Variants in PTPDC1 observed in about 807,000 individuals in gnomAD.
PTPDC1 encodes protein tyrosine phosphatase domain containing 1.
PTPDC1 carries 53 observed loss-of-function variants against 75.3 expected under a neutral mutation model. The ratio of observed to expected loss-of-function variants is 0.70; its 90% CI spans 0.56 to 0.88. PTPDC1 has a LOEUF of 0.88. PTPDC1 is among the 40% of genes least tolerant of loss of function. The probability of loss-of-function intolerance (pLI) is 0.00; values close to 1 mark genes in which losing one functional copy is unlikely to be tolerated. For missense variants in PTPDC1, 925 were observed against 998.6 expected (o/e 0.93, Z 0.99); for synonymous variants, 349 against 366.2 (o/e 0.95, Z 0.54).
chr9:94,103,822 C>G (rs1025306197), intron 7 of PTPDC1, among the ~76,000 whole-genome samples: 2 of 152,128 alleles, frequency 1.3e-5, no homozygotes, highest in Admixed American at 6.6e-5. Flanking sequence ...TGTCCTTGTC[C>G]TTTTCTTTGT....
In PTPDC1 at chr9:94,087,721, C is replaced by T. The variant is rs548939229; in HGVS notation, c.417-110C>T. On this transcript the variant is annotated intron_variant, in intron 2 of 8. Transcript: ENST00000620992. ...TTATACACAAAAAAGAATATTCTAA[C>T]AGAGTTGTTGAAATCATAGAAAAAA... 3 of 712,516 alleles carry T rather than the reference C, an allele frequency of 4.2e-6. No homozygotes were observed. In the South Asian group the frequency reaches 5.3e-5, roughly 13 times the overall value. 44.1% of individuals were successfully genotyped at this position (712,516 alleles called of 1,614,324 possible).
rs771282527 is a variant in PTPDC1 at position 94,084,703 on chromosome 9, AGGTGATGGT to A, written c.176_184del (p.Val59_Val61del). On this transcript the variant is annotated inframe_deletion, in exon 1 of 9. Coordinates refer to ENST00000620992, the MANE Select transcript of PTPDC1 (RefSeq NM_001253829.2). Reference sequence around the variant, plus strand: ...AAGCTGCTGTCCTCGTCCTCTCTCCAGGTGATGGTGGCTGTTTCCTCAGTCAGCCATGCA... The same window carrying A: ...AAGCTGCTGTCCTCGTCCTCTCTCCAGGCTGTTTCCTCAGTCAGCCATGCA... 9 of 1,613,132 alleles carry A rather than the reference AGGTGATGGT, an allele frequency of 5.6e-6. No individual in the cohort carries two copies. The African/African-American group carries it at 1.2e-4, about 22-fold the overall frequency.
chr9:94,046,827 T>C (rs1434234998), intron 1 of PTPDC1, among the ~76,000 whole-genome samples: 3 of 152,190 alleles, frequency 2.0e-5, no homozygotes, highest in African/African-American at 7.2e-5. Context: ...CCTAATTGAA[T>C]ACCCTTTATT....
chr9:94,055,022 C>T (rs1825891816), intron 1 of PTPDC1, among the ~76,000 whole-genome samples: 1 of 152,178 alleles, frequency 6.6e-6, no homozygotes, highest in Admixed American at 6.5e-5. Flanking sequence ...CACAGTGGAG[C>T]TCCATTCTAT....
At chr9:94,061,092 A>G (rs1186119536) in intron 1 of PTPDC1, among the ~76,000 whole-genome samples, 10 of 152,194 alleles carry the variant, frequency 6.6e-5, no homozygotes, top group Non-Finnish European at 2.9e-5. Context: ...TACTTCTAAG[A>G]TACAATGGGG....
intron 1 of PTPDC1, among the ~76,000 whole-genome samples, chr9:94,062,265 T>C (rs774337920): frequency 6.6e-6 from 1 of 152,148 alleles, no homozygotes; most frequent in Non-Finnish European, 1.5e-5. Context: ...AAATTCCCCA[T>C]TTCCATCTGA....
chr9:94,077,762 T>A (rs915465643), intron 2 of PTPDC1, among the ~76,000 whole-genome samples: 10 of 152,134 alleles, frequency 6.6e-5, no homozygotes, highest in Non-Finnish European at 1.3e-4. Context: ...TTCAGCCCTC[T>A]CCCCTCCCCA....
chr9:94,062,259 T>C (rs1826165981), intron 1 of PTPDC1, among the ~76,000 whole-genome samples: 1 of 152,098 alleles, frequency 6.6e-6, no homozygotes, highest in South Asian at 2.1e-4. Context: ...CCCAGTAAAT[T>C]CCCCATTTCC....
chr9:94,046,227 A>G (rs1825594663), intron 1 of PTPDC1, among the ~76,000 whole-genome samples: 1 of 152,188 alleles, frequency 6.6e-6, no homozygotes, highest in African/African-American at 2.4e-5. Flanking sequence ...TACCAGTACC[A>G]TGCTGTTTTG....
At chr9:94,064,624 A>G in intron 1 of PTPDC1, 1 of 670,870 alleles carries the variant, frequency 1.5e-6, no homozygotes, top group Non-Finnish European at 2.5e-6. Context: ...AGTATCTGCC[A>G]CTTGGCCAGT....
At chr9:94,045,917 C>T (rs1308084568) in intron 1 of PTPDC1, among the ~76,000 whole-genome samples, 2 of 152,212 alleles carry the variant, frequency 1.3e-5, no homozygotes, top group Non-Finnish European at 2.9e-5. Context: ...GAAGTCCTTG[C>T]TCATGCTTAT....
intron 1 of PTPDC1, chr9:94,038,448 A>T (rs1825339782): frequency 3.1e-6 from 1 of 320,664 alleles, no homozygotes; most frequent in Middle Eastern, 9.5e-4. Context: ...TGAATTACTG[A>T]CAGAATATTT....
chr9:94,076,326 C>A (rs1345399830), intron 2 of PTPDC1, among the ~76,000 whole-genome samples: 2 of 152,158 alleles, frequency 1.3e-5, no homozygotes, highest in African/African-American at 4.8e-5. Context: ...TTAGCAAGCA[C>A]CAGCTGCCAT....
intron 6 of PTPDC1, chr9:94,100,723 T>C (rs1349612397): frequency 1.3e-5 from 2 of 152,056 alleles, no homozygotes; most frequent in African/African-American, 4.8e-5. Flanking sequence ...GTAGTAAATA[T>C]TGGGTAGGTG....
At chr9:94,104,493 A>G in intron 8 of PTPDC1, 108 bp downstream of exon 8, 1 of 646,548 alleles carries the variant, frequency 1.5e-6, no homozygotes, top group Non-Finnish European at 2.7e-6. Context: ...ATGTATGTGT[A>G]TGTTTTCCCT....
intron 4 of PTPDC1, among the ~76,000 whole-genome samples, chr9:94,089,168 C>T (rs1399541896): frequency 6.9e-6 from 1 of 145,698 alleles, no homozygotes; most frequent in Non-Finnish European, 1.5e-5. Context: ...CATGCTGGTG[C>T]ACTGCACCCA....
chr9:94,099,878 T>C (rs1827775115), intron 6 of PTPDC1, among the ~76,000 whole-genome samples: 1 of 152,248 alleles, frequency 6.6e-6, no homozygotes, highest in South Asian at 2.1e-4. Context: ...ATGAAAGCAT[T>C]TTCTGGAGGT....
chr9:94,094,711 G>A (rs952885669), intron 4 of PTPDC1, among the ~76,000 whole-genome samples: 2 of 152,238 alleles, frequency 1.3e-5, no homozygotes, highest in Non-Finnish European at 2.9e-5. Context: ...TCAGACTGCT[G>A]TGCTAACAAT....
At chr9:94,050,452 G>A (rs563973482) in intron 1 of PTPDC1, among the ~76,000 whole-genome samples, 6 of 152,328 alleles carry the variant, frequency 3.9e-5, no homozygotes, top group African/African-American at 1.4e-4. Context: ...CTCAGCTGCA[G>A]GTCTGTTGGA....
Sources: gnomAD v4.1 joint callset for allele counts (sites outside exome capture counted in the v4.1 genomes callset) on GRCh38, gnomAD v4.1.1 for gene constraint, MANE v1.5 for transcripts, NCBI Gene and HGNC (gene_info 2026-07-23, HGNC 2026-07-21) for gene names.